Variants in FAM185A observed in about 807,000 individuals in gnomAD.
The protein encoded by FAM185A is protein FAM185A.
Under a neutral mutation model 45.7 loss-of-function variants are expected in FAM185A, and 21 were observed. The observed-to-expected ratio is 0.46, with a 90% CI of 0.33 to 0.66. FAM185A has a LOEUF of 0.66. FAM185A is among the 30% of genes least tolerant of loss of function. The probability of loss-of-function intolerance (pLI) is 0.03; values close to 1 mark genes in which losing one functional copy is unlikely to be tolerated. For missense variants in FAM185A, 305 were observed against 485.4 expected, an observed-to-expected ratio of 0.63 and a Z score of 3.49; for synonymous variants, 117 against 194.0, an observed-to-expected ratio of 0.60 and a Z score of 3.30.
chr7:102,824,391 A>C, the FAM185A span, among the ~76,000 whole-genome samples: 2,141 of 152,366 alleles, frequency 0.014, 117 homozygotes, highest in East Asian at 0.16. Flanking sequence ...ATCACTTAAC[A>C]TAACTACTTT....
At chr7:102,844,961 T>C in the FAM185A span, among the ~76,000 whole-genome samples, 3 of 152,164 alleles carry the variant, frequency 2.0e-5, no homozygotes, top group African/African-American at 7.2e-5. Flanking sequence ...AAAAGGTACA[T>C]AGGGCTAGGT....
intron 1 of FAM185A, among the ~76,000 whole-genome samples, chr7:102,751,377 T>C (rs12113806): frequency 0.011 from 1,693 of 152,292 alleles, 43 homozygotes; most frequent in African/African-American, 0.039. Flanking sequence ...TGATCATATA[T>C]ACTGGGGAAG....
chr7:102,846,188 C>T, the FAM185A span, among the ~76,000 whole-genome samples: 3 of 152,112 alleles, frequency 2.0e-5, no homozygotes, highest in Non-Finnish European at 2.9e-5. Flanking sequence ...TAAACCTAGC[C>T]TCATCATTTA....
chr7:102,819,534 T>C, the FAM185A span, among the ~76,000 whole-genome samples: 95 of 152,284 alleles, frequency 6.2e-4, 2 homozygotes, highest in Non-Finnish European at 2.2e-4. Context: ...TCAGATTCCA[T>C]TGAGTATGAG....
the FAM185A span, among the ~76,000 whole-genome samples, chr7:102,835,640 C>T: frequency 4.0e-5 from 4 of 99,704 alleles, no homozygotes; most frequent in South Asian, 1.2e-3. Context: ...GACGGAGTCT[C>T]GCTCTGTCGC....
chr7:102,778,026 G>A (rs1795173872), intron 6 of FAM185A, among the ~76,000 whole-genome samples: 1 of 152,236 alleles, frequency 6.6e-6, no homozygotes. Flanking sequence ...GGCTGAAGTG[G>A]CTTGGCTGCA....
At chr7:102,785,814 G>A (rs564015387) in intron 6 of FAM185A, among the ~76,000 whole-genome samples, 425 of 151,420 alleles carry the variant, frequency 2.8e-3, no homozygotes, top group South Asian at 4.6e-3. Flanking sequence ...GGCAACAAAA[G>A]CCAAAATTGA....
intron 4 of FAM185A, among the ~76,000 whole-genome samples, chr7:102,763,189 T>C (rs1198330576): frequency 6.6e-6 from 1 of 152,178 alleles, no homozygotes; most frequent in African/African-American, 2.4e-5. Flanking sequence ...GGTGGTCTTT[T>C]TTGAAGCAGT....
At chr7:102,785,872 C>T (rs567864243) in intron 6 of FAM185A, among the ~76,000 whole-genome samples, 251 of 152,122 alleles carry the variant, frequency 1.6e-3, no homozygotes, top group Non-Finnish European at 2.8e-3. Flanking sequence ...GCAAAAGAAA[C>T]TACCATCAGA....
At chr7:102,827,159 C>A in the FAM185A span, 1 of 454,776 alleles carries the variant, frequency 2.2e-6, no homozygotes, top group East Asian at 7.0e-5. Flanking sequence ...ACCTTTAGCC[C>A]TTAGCCTCTT....
intron 7 of FAM185A, among the ~76,000 whole-genome samples, chr7:102,798,720 ATTTAT>A (rs750810935): frequency 2.2e-4 from 33 of 152,036 alleles, no homozygotes; most frequent in African/African-American, 5.8e-4. Context: ...TTTCCTCCAC[ATTTAT>A]TTTATTTTAT....
chr7:102,808,311 A>G lies in FAM185A; in HGVS notation c.1088A>G (p.Lys363Arg). The change falls in exon 8 of 8, where the codon AAA (lysine) becomes AGA (arginine). Residue 363 changes from lysine to arginine, a missense_variant. Transcript: ENST00000413034. ...TTAGGACTCATGAATCAAGCAAGCA[A>G]ACGTGAAAAATGGATTAAGGCTGAT... ...TVTGLMNQAS[K>R]REKWIKADAP... The G allele has an allele frequency of 6.4e-7, 1 of 1,551,820 alleles. No individual in the cohort carries two copies. The highest frequency in any genetic ancestry group is 8.7e-7 in the Non-Finnish European group (1 of 1,146,964).
rs1316173854 is a variant in FAM185A, at chr7:102,787,502, A to G, written c.1066+33A>G. 5.7e-6 allele frequency: 8 copies of G among 1,402,822 alleles called. No individual in the cohort carries two copies. In the African/African-American group the frequency reaches 1.0e-4, roughly 18 times the overall value. The allele number at this position is 1,402,822 out of a possible 1,614,324, so 86.9% of individuals were successfully genotyped here. On this transcript the variant is annotated intron_variant, in intron 7 of 7. Transcript: ENST00000413034. ...GGCTGCATTTTGCTCTGTCAGATGA[A>G]TAGCCATTCTCCATACATAAGTAGA...
chr7:102,834,032 T>TGAAG, the FAM185A span, among the ~76,000 whole-genome samples: 4,694 of 75,328 alleles, frequency 0.062, 296 homozygotes, highest in Middle Eastern at 0.11. Context: ...GAAACCATGA[T>TGAAG]GAAGGAAGGA....
intron 2 of FAM185A, among the ~76,000 whole-genome samples, chr7:102,754,415 C>T (rs1204895470): frequency 6.6e-6 from 1 of 152,250 alleles, no homozygotes; most frequent in African/African-American, 2.4e-5. Context: ...CCTTTCCTCA[C>T]ATGATCTGCC....
the FAM185A span, among the ~76,000 whole-genome samples, chr7:102,841,022 G>A: frequency 3.3e-5 from 5 of 152,084 alleles, no homozygotes; most frequent in African/African-American, 1.2e-4. Flanking sequence ...TTGATAGGGA[G>A]GGTTATTACA....
intron 4 of FAM185A, 32 bp from the exon 5 acceptor site, chr7:102,772,377 A>C (rs1276979400): frequency 7.1e-7 from 1 of 1,409,636 alleles, no homozygotes; most frequent in African/African-American, 1.5e-5. Flanking sequence ...GATTGTCTCT[A>C]GTACATAAAA....
chr7:102,782,492 T>C (rs1795473765), intron 6 of FAM185A, among the ~76,000 whole-genome samples: 2 of 152,280 alleles, frequency 1.3e-5, no homozygotes, highest in East Asian at 1.9e-4. Context: ...TGGGGGCCAA[T>C]ATTCAACGTT....
intron 2 of FAM185A, among the ~76,000 whole-genome samples, chr7:102,752,476 TG>T (rs1193295630): frequency 6.6e-6 from 1 of 152,052 alleles, no homozygotes; most frequent in African/African-American, 2.4e-5. Context: ...TTCACCATGT[TG>T]GCCAGGCTGG....
Sources: allele counts gnomAD v4.1 joint callset (sites outside exome capture counted in the v4.1 genomes callset), GRCh38; gene constraint gnomAD v4.1.1; transcripts MANE v1.5; gene names NCBI Gene and HGNC (gene_info 2026-07-23, HGNC 2026-07-21).